CYP19A1: variants seen among roughly 807,000 people sequenced by gnomAD.
CYP19A1 encodes aromatase.
A neutral mutation model predicts 44.4 loss-of-function variants in CYP19A1; 32 were observed. That is an observed-to-expected ratio of 0.72 (90% confidence interval 0.54 to 0.97). CYP19A1 has a LOEUF of 0.97. Among genes scored for constraint, CYP19A1 ranks in the 50% least tolerant of loss-of-function variants. The pLI is 0.00. For missense variants in CYP19A1, 598 were observed against 637.8 expected (o/e 0.94, Z 0.67); for synonymous variants, 212 against 215.6 (o/e 0.98, Z 0.14).
At chr15:51,256,085 G>A (rs1489888774) in intron 1 of CYP19A1, among the ~76,000 whole-genome samples, 3 of 152,230 alleles carry the variant, frequency 2.0e-5, no homozygotes, top group African/African-American at 7.2e-5. Flanking sequence ...GGGCAAGGCA[G>A]AGTATCTTTA....
At chr15:51,296,198 G>A (rs2470158) in intron 1 of CYP19A1, among the ~76,000 whole-genome samples, 15,096 of 151,980 alleles carry the variant, frequency 0.099, 860 homozygotes, top group African/African-American at 0.13. Context: ...GGACAGACAC[G>A]GGAGTTTCAT....
chr15:51,242,917 T>C lies in CYP19A1; in HGVS notation c.-5A>G, dbSNP rs1388151284. ...GTTCAGCATTTCCAAAACCATCTTG[T>C]GTTCCTTGACCTCAGAGGGGGCAAT... On this transcript the variant is annotated 5_prime_UTR_variant, in exon 2 of 10. Coordinates refer to ENST00000396402, the MANE Select transcript of CYP19A1 (RefSeq NM_000103.4). 2 of 1,607,648 alleles carry C rather than the reference T, an allele frequency of 1.2e-6. No homozygotes were observed. The highest frequency in any genetic ancestry group is 1.7e-6 in the Non-Finnish European group (2 of 1,174,124).
At chr15:51,227,954 G>C in intron 3 of CYP19A1, 21 bp from the exon 4 acceptor site, 1 of 1,491,412 alleles carries the variant, frequency 6.7e-7, no homozygotes, top group South Asian at 1.1e-5. Context: ...AGGAAACTTT[G>C]GTGTCAATTT....
rs184390172 is a variant in CYP19A1, at chr15:51,320,885, G to A, written c.-39+17610C>T. 1.4e-3 allele frequency: 209 copies of A among 152,316 alleles called. 2 individuals carry two copies. The highest frequency in any genetic ancestry group is 4.6e-3 in the African/African-American group (192 of 41,554). 9.4% of individuals were successfully genotyped at this position (152,316 alleles called of 1,614,324 possible). On this transcript the variant is annotated intron_variant, in intron 1 of 9. Transcript: ENST00000396402. ...ATCATGTAATCAATATTTTAAAAATGATTGAGAATTGTACATTCTTCACAT... is the reference window on the plus strand; with the variant it reads ...ATCATGTAATCAATATTTTAAAAATAATTGAGAATTGTACATTCTTCACAT...
rs141974163 is a variant in CYP19A1 at position 51,215,766 on chromosome 15, C to T, written c.795G>A (p.Arg265=). 10 of 1,613,900 alleles carry T rather than the reference C, an allele frequency of 6.2e-6. No homozygotes were observed. The highest frequency in any genetic ancestry group is 8.5e-6 in the Non-Finnish European group (10 of 1,179,978). ...CTTCCAGTTTCTCTTCTGTGGAAAT[C>T]CTGCGTCTTTTTTCTGCTATCAGAA... ...IEVLIAEKRR[R]ISTEEKLEEC... The change falls in exon 7 of 10, where the codon AGG becomes AGA. Residue 265 remains arginine, a synonymous_variant. Coordinates refer to ENST00000396402, the MANE Select transcript of CYP19A1 (RefSeq NM_000103.4).
At chr15:51,247,450 CTT>C (rs1210067617) in intron 1 of CYP19A1, among the ~76,000 whole-genome samples, 1 of 147,440 alleles carries the variant, frequency 6.8e-6, no homozygotes, top group South Asian at 2.3e-4. Flanking sequence ...CCTGTCCTTA[CTT>C]TTTTATTTTT....
intron 6 of CYP19A1, 48 bp from the exon 7 acceptor site, chr15:51,215,865 C>T: frequency 1.2e-6 from 2 of 1,609,450 alleles, no homozygotes; most frequent in Non-Finnish European, 1.7e-6. Flanking sequence ...GTTTAGACAT[C>T]TAGCGAAACA....
chr15:51,302,186 G>C (rs2036127732), intron 1 of CYP19A1, among the ~76,000 whole-genome samples: 1 of 151,978 alleles, frequency 6.6e-6, no homozygotes, highest in South Asian at 2.1e-4. Flanking sequence ...TGTCCATTCT[G>C]GCTCTGCTGA....
intron 2 of CYP19A1, among the ~76,000 whole-genome samples, chr15:51,239,813 A>G (rs1262335445): frequency 1.3e-5 from 2 of 152,172 alleles, no homozygotes; most frequent in African/African-American, 4.8e-5. Flanking sequence ...TTTTCTGTGA[A>G]ATATTATCTT....
chr15:51,260,277 T>C (rs1232172639), intron 1 of CYP19A1, among the ~76,000 whole-genome samples: 1 of 152,184 alleles, frequency 6.6e-6, no homozygotes, highest in Non-Finnish European at 1.5e-5. Context: ...TGTTGGGAAA[T>C]TTTTGGAAAA....
At chr15:51,222,546 A>G (rs780835320) in intron 4 of CYP19A1, 21 bp from the exon 5 acceptor site, 1 of 1,608,194 alleles carries the variant, frequency 6.2e-7, no homozygotes, top group Non-Finnish European at 8.5e-7. Flanking sequence ...CACATCAGAG[A>G]ATCAGCCATC....
chr15:51,265,898 C>G (rs986917338), intron 1 of CYP19A1, among the ~76,000 whole-genome samples: 1 of 152,160 alleles, frequency 6.6e-6, no homozygotes, highest in Non-Finnish European at 1.5e-5. Context: ...GAGCTTCATT[C>G]GGATCCCTGG....
chr15:51,302,975 A>C (rs1455579211), intron 1 of CYP19A1, among the ~76,000 whole-genome samples: 1 of 152,156 alleles, frequency 6.6e-6, no homozygotes, highest in Non-Finnish European at 1.5e-5. Flanking sequence ...GGCTGTGAGG[A>C]GCTCAGGCTG....
chr15:51,289,893 C>T (rs1256569033), intron 1 of CYP19A1, among the ~76,000 whole-genome samples: 7 of 152,136 alleles, frequency 4.6e-5, no homozygotes. Context: ...GCTACCAGTC[C>T]CAGCAGAGGC....
rs550209995 is a variant in CYP19A1 at position 51,295,768 on chromosome 15, C to T, written c.-39+42727G>A. Among the ~76,000 whole-genome samples the T allele has an allele frequency of 5.9e-5, 9 of 152,294 alleles. No individual in the cohort carries two copies. In the South Asian group the frequency reaches 1.7e-3, roughly 28 times the overall value. On this transcript the variant is annotated intron_variant, in intron 1 of 9. Transcript: ENST00000396402. The stretch of plus-strand genomic sequence containing the variant: ...AGGACATTCAAGTTGAGCTGGGTCC[C>T]TCGGGTCCAGTTCTGGATGGCTTCG...
At chr15:51,312,770 G>C (rs1331626132) in intron 1 of CYP19A1, 2 of 152,328 alleles carry the variant, frequency 1.3e-5, no homozygotes, top group Non-Finnish European at 2.9e-5. Flanking sequence ...GCTTGGAGAG[G>C]CTCTCTGGTG....
intron 1 of CYP19A1, chr15:51,277,023 AAGAG>A (rs954801462): frequency 1.7e-4 from 26 of 151,832 alleles, no homozygotes; most frequent in Middle Eastern, 3.4e-3. Flanking sequence ...CACAAAAAAA[AAGAG>A]AGAGAGAGAA....
chr15:51,287,728 C>A (rs2035740708), intron 1 of CYP19A1, among the ~76,000 whole-genome samples: 1 of 152,160 alleles, frequency 6.6e-6, no homozygotes, highest in South Asian at 2.1e-4. Context: ...TCCTGGTTTT[C>A]TTCAATGGTC....
intron 1 of CYP19A1, among the ~76,000 whole-genome samples, chr15:51,332,369 G>A (rs1012133289): frequency 2.0e-5 from 3 of 152,120 alleles, no homozygotes; most frequent in African/African-American, 4.8e-5. Context: ...ACACACCAAT[G>A]TGAGACCTGT....
Sources: gnomAD v4.1 joint callset for allele counts (sites outside exome capture counted in the v4.1 genomes callset) on GRCh38, gnomAD v4.1.1 for gene constraint, MANE v1.5 for transcripts, NCBI Gene and HGNC (gene_info 2026-07-23, HGNC 2026-07-21) for gene names.